Variants in DIP2C observed in about 807,000 individuals in gnomAD.
DIP2C encodes disco-interacting protein 2 homolog C.
A neutral mutation model predicts 192.4 loss-of-function variants in DIP2C; 33 were observed. The ratio of observed to expected loss-of-function variants is 0.17; its 90% CI spans 0.13 to 0.23. The LOEUF (loss-of-function observed/expected upper bound fraction) is 0.23, where lower values mean the gene tolerates loss of function less well. DIP2C is among the 10% of genes least tolerant of loss of function. The pLI, the probability that DIP2C is intolerant of heterozygous loss-of-function variation, is 1.00. For synonymous variants in DIP2C, 979 were observed against 864.1 expected (o/e 1.13, Z -2.33); for missense variants, 1,537 against 2,110.1 (o/e 0.73, Z 5.32).
chr10:625,205 A>G (rs900324035), intron 1 of DIP2C, among the ~76,000 whole-genome samples: 6 of 152,198 alleles, frequency 3.9e-5, no homozygotes, highest in Non-Finnish European at 7.3e-5. Context: ...AGAGGCAACA[A>G]GCCCTTCATT....
At chr10:478,463 A>G (rs115617078) in intron 2 of DIP2C, among the ~76,000 whole-genome samples, 2,229 of 148,910 alleles carry the variant, frequency 0.015, 57 homozygotes, top group African/African-American at 0.053. Flanking sequence ...CACTCATCTC[A>G]TGTCCGGGCA....
rs757873985 is a variant in DIP2C, at chr10:344,885, C to G, written c.3377G>C (p.Cys1126Ser). Residue 1126 changes from cysteine (C) to serine (S), a missense_variant, in exon 28 of 37, where the codon TGC (cysteine) becomes TCC (serine). By Grantham distance (112) the Cys-to-Ser change is moderately radical. Coordinates refer to ENST00000280886, the MANE Select transcript of DIP2C (RefSeq NM_014974.3). ...AAGAGTGTCTGGGTTGCAAGGTTTGCAGATCTGGGCAGGCCGCTTCTTTGG... is the reference window on the plus strand; with the variant it reads ...AAGAGTGTCTGGGTTGCAAGGTTTGGAGATCTGGGCAGGCCGCTTCTTTGG... Reference protein sequence around the residue: ...DLPKKRPAQICKPCNPDTLAY... With the variant: ...DLPKKRPAQISKPCNPDTLAY... The G allele has an allele frequency of 4.3e-5, 69 of 1,607,392 alleles. No individual in the cohort carries two copies. Among genetic ancestry groups the G allele is most frequent in the Non-Finnish European group, 5.9e-5 (69 of 1,178,006 alleles).
At chr10:284,243 G>A (rs1345599852) in intron 34 of DIP2C, among the ~76,000 whole-genome samples, 2 of 152,162 alleles carry the variant, frequency 1.3e-5, no homozygotes, top group Admixed American at 6.5e-5. Context: ...GTTTAGTACT[G>A]CACCCACGTC....
intron 7 of DIP2C, 64 bp downstream of exon 7, chr10:415,705 A>T: frequency 6.3e-7 from 1 of 1,579,246 alleles, no homozygotes; most frequent in Non-Finnish European, 8.6e-7. Flanking sequence ...TGCAGAAAAA[A>T]ATATCATTGT....
At chr10:364,679 G>GCT in intron 19 of DIP2C, 97 bp from the exon 20 acceptor site, 1 of 1,361,834 alleles carries the variant, frequency 7.3e-7, no homozygotes, top group Non-Finnish European at 1.0e-6. Context: ...CTTTGCTTAA[G>GCT]CTCTGCCTTT....
chr10:672,086 G>T (rs1475332339), intron 1 of DIP2C, among the ~76,000 whole-genome samples: 1 of 148,462 alleles, frequency 6.7e-6, no homozygotes, highest in African/African-American at 2.5e-5. Flanking sequence ...CAGACGCACG[G>T]ACGGAGTAAA....
At chr10:489,362 GT>G (rs1844258278) in intron 1 of DIP2C, among the ~76,000 whole-genome samples, 1 of 152,230 alleles carries the variant, frequency 6.6e-6, no homozygotes, top group Admixed American at 6.5e-5. Flanking sequence ...CAGGTCATAG[GT>G]GACAGGTAGA....
chr10:356,860 A>T (rs1959105771), intron 23 of DIP2C, among the ~76,000 whole-genome samples: 1 of 152,206 alleles, frequency 6.6e-6, no homozygotes, highest in Non-Finnish European at 1.5e-5. Context: ...CCTGCACAGA[A>T]ATCCCTTCTC....
chr10:382,309 C>T (rs1962442957), intron 17 of DIP2C, among the ~76,000 whole-genome samples: 1 of 152,186 alleles, frequency 6.6e-6, no homozygotes, highest in South Asian at 2.1e-4. Context: ...CAGACCCTAT[C>T]CCACCCCAGA....
At position 411,435 on chromosome 10, in the gene DIP2C, G is replaced by T. The variant is rs1252608383; in HGVS notation, c.1058-2418C>A. The stretch of plus-strand genomic sequence containing the variant: ...ATGTTTTACAAGTTTATTCAGTTGT[G>T]GCTTTCATTAGCCACCTACACTTTC... On this transcript the variant is annotated intron_variant, in intron 8 of 36. Transcript: ENST00000280886. 2.6e-5 allele frequency among the ~76,000 whole-genome samples: 4 copies of T among 152,268 alleles called. No homozygotes were observed. In the East Asian group the frequency reaches 7.7e-4, roughly 29 times the overall value.
chr10:358,544 C>T (rs554434325), intron 22 of DIP2C, among the ~76,000 whole-genome samples: 5 of 110,774 alleles, frequency 4.5e-5, no homozygotes, highest in East Asian at 2.7e-4. Flanking sequence ...ATAAAGTCAT[C>T]GCTTATCCAT....
intron 1 of DIP2C, among the ~76,000 whole-genome samples, chr10:639,321 G>T (rs1167683114): frequency 6.9e-6 from 1 of 144,478 alleles, no homozygotes; most frequent in African/African-American, 2.6e-5. Context: ...CCGGCTCACG[G>T]TCCACACGTG....
At position 440,922 on chromosome 10, in the gene DIP2C, T is replaced by C; in HGVS notation, c.343A>G (p.Lys115Glu). 1 of 1,613,948 alleles carries C rather than the reference T, an allele frequency of 6.2e-7. No homozygotes were observed. Among genetic ancestry groups the C allele is most frequent in the Non-Finnish European group, 8.5e-7 (1 of 1,180,040 alleles). The change falls in exon 4 of 37, where the codon AAA (lysine) becomes GAA (glutamate). Residue 115 changes from lysine to glutamate, a missense_variant. By Grantham distance (56) the Lys-to-Glu change is moderately conservative (BLOSUM62 1). This residue lies in a region of DIP2C where 473 missense variants were observed against 539.6 expected (regional missense o/e 0.88). Transcript: ENST00000280886. ...GTCTGCACGACCAGGGACCTGCGTT[T>C]GGAAGGCATAGGCACTGCCATCTTC... ...ERKMAVPMPS[K>E]RRSLVVQTSM...
chr10:421,001 G>C (rs1450731289), intron 5 of DIP2C, among the ~76,000 whole-genome samples: 1 of 152,162 alleles, frequency 6.6e-6, no homozygotes, highest in Admixed American at 6.5e-5. Context: ...TATCTCACAA[G>C]GTCAAGTGCA....
Position 689,225 on chromosome 10 carries a change from G to A in DIP2C, c.85+269C>T, listed in dbSNP as rs559050926. On this transcript the variant is annotated intron_variant, in intron 1 of 36. Transcript: ENST00000280886. The surrounding 1 kb of genome is among the most constrained non-coding windows in gnomAD (Gnocchi z 6.1). ...GCGGCCCCACAAACACCCCCAGAGC[G>A]CGAGGGGATCCCAGGCCCCACAGAC... Among the ~76,000 whole-genome samples, 39 of 150,958 alleles carry A rather than the reference G, an allele frequency of 2.6e-4. No individual in the cohort carries two copies. The highest frequency in any genetic ancestry group is 8.7e-4 in the African/African-American group (36 of 41,146).
intron 8 of DIP2C, among the ~76,000 whole-genome samples, chr10:413,456 A>T (rs1259187054): frequency 6.6e-6 from 1 of 152,268 alleles, no homozygotes; most frequent in East Asian, 1.9e-4. Context: ...TGTATTTAAG[A>T]TCTAACATCT....
intron 1 of DIP2C, among the ~76,000 whole-genome samples, chr10:497,126 AAATCAATCAATC>A (rs536485146): frequency 3.3e-5 from 5 of 151,864 alleles, no homozygotes; most frequent in Admixed American, 2.0e-4. Context: ...CTCCACCTCG[AAATCAATCAATC>A]AATCAATCTC....
At chr10:629,511 G>A (rs574844526) in intron 1 of DIP2C, among the ~76,000 whole-genome samples, 53 of 152,348 alleles carry the variant, frequency 3.5e-4, no homozygotes, top group African/African-American at 1.2e-3. Flanking sequence ...GACACATGGT[G>A]CTTTAACCCA....
intron 1 of DIP2C, among the ~76,000 whole-genome samples, chr10:607,621 T>C (rs967131783): frequency 6.6e-5 from 10 of 152,156 alleles, no homozygotes; most frequent in African/African-American, 2.4e-4. Context: ...TAGTTTCGAC[T>C]TACAACGGGT....
Sources: allele counts gnomAD v4.1 joint callset (sites outside exome capture counted in the v4.1 genomes callset), GRCh38; gene constraint gnomAD v4.1.1; regional missense constraint gnomAD v4.1.1; non-coding constraint Gnocchi (gnomAD v3.1); transcripts MANE v1.5; gene names NCBI Gene and HGNC (gene_info 2026-07-23, HGNC 2026-07-21).